PLB1: variants seen among roughly 807,000 people sequenced by gnomAD.
PLB1 encodes the protein phospholipase B1, also known as phospholipase B1, membrane-associated.
In PLB1, 242 loss-of-function variants were observed where a neutral mutation model predicts 227.4. The observed-to-expected ratio is 1.06, with a 90% confidence interval of 0.96 to 1.18. PLB1 has a LOEUF of 1.18. Ranked by LOEUF, PLB1 falls within the 50% of genes most tolerant of loss-of-function variation. PLB1 has a pLI of 0.00. For synonymous variants in PLB1, 757 were observed against 682.2 expected, an observed-to-expected ratio of 1.11 and a Z score of -1.71; for missense variants, 1,858 against 1,816.3, an observed-to-expected ratio of 1.02 and a Z score of -0.42.
chr2:28,538,603 T>C (rs1413155881), intron 10 of PLB1, among the ~76,000 whole-genome samples: 1 of 152,162 alleles, frequency 6.6e-6, no homozygotes, highest in East Asian at 1.9e-4. Context: ...AACTCGGCTC[T>C]TCCTTGAGTC....
At chr2:28,548,975 G>T (rs768456498) in intron 15 of PLB1, 44 bp downstream of exon 15, 2 of 1,590,854 alleles carry the variant, frequency 1.3e-6, no homozygotes, top group African/African-American at 1.3e-5. Context: ...TGAATCGAGG[G>T]CGCAGGTGGG....
At position 28,529,395 on chromosome 2, in the gene PLB1, A is replaced by G; in HGVS notation, c.404A>G (p.His135Arg). 1 of 1,601,980 alleles carries G rather than the reference A, an allele frequency of 6.2e-7. No individual in the cohort carries two copies. Among genetic ancestry groups the G allele is most frequent in the Non-Finnish European group, 8.6e-7 (1 of 1,169,032 alleles). Residue 135 changes from histidine (H) to arginine (R), a missense_variant, in exon 7 of 58, where the codon CAC (histidine) becomes CGC (arginine). Coordinates refer to ENST00000327757, the MANE Select transcript of PLB1 (RefSeq NM_153021.5). ...VCHTGKRVIP[H>R]DGAEDLWIQA... Reference sequence around the variant, plus strand: ...CACACTGGAAAGAGAGTCATACCCCACGATGGTGCTGAGTAAGTTCCCTTT... The same window carrying G: ...CACACTGGAAAGAGAGTCATACCCCGCGATGGTGCTGAGTAAGTTCCCTTT...
At chr2:28,591,064 TA>T in intron 29 of PLB1, 68 bp from the exon 30 acceptor site, 1 of 1,595,196 alleles carries the variant, frequency 6.3e-7, no homozygotes, top group Non-Finnish European at 8.6e-7. Flanking sequence ...GGCCGACACT[TA>T]ACTGAGTGCT....
In PLB1 at chr2:28,618,338, T is replaced by A; in HGVS notation, c.3257-3T>A. The A allele has an allele frequency of 1.2e-6, 2 of 1,614,086 alleles. No individual in the cohort carries two copies. The highest frequency in any genetic ancestry group is 2.2e-5 in the South Asian group (2 of 91,084). ...CAACCACCTCTCTGCTTGTCTCCCC[T>A]AGTCCACCAGCTCCGACCAGCAGAC... On this transcript the variant is annotated splice_polypyrimidine_tract_variant and splice_region_variant and intron_variant, in intron 45 of 57. Transcript: ENST00000327757.
At chr2:28,604,857 GAC>G (rs1243134124) in intron 41 of PLB1, 98 bp downstream of exon 41, 106 of 1,109,180 alleles carry the variant, frequency 9.6e-5, no homozygotes, top group Non-Finnish European at 1.3e-4. Flanking sequence ...AAATGGGAAA[GAC>G]ACAGCTCTCC....
chr2:28,513,587 A>G (rs891613451), intron 1 of PLB1, among the ~76,000 whole-genome samples: 9 of 152,208 alleles, frequency 5.9e-5, no homozygotes, highest in African/African-American at 2.2e-4. Flanking sequence ...CACTCTCTGT[A>G]CTTATTTTCT....
At chr2:28,506,529 G>T (rs1667654527) in intron 1 of PLB1, among the ~76,000 whole-genome samples, 1 of 152,154 alleles carries the variant, frequency 6.6e-6, no homozygotes, top group Admixed American at 6.5e-5. Flanking sequence ...TTTTCAGAGT[G>T]CCTTTTAGCT....
intron 56 of PLB1, among the ~76,000 whole-genome samples, chr2:28,636,144 C>T (rs1196503592): frequency 1.3e-5 from 2 of 152,116 alleles, no homozygotes; most frequent in African/African-American, 2.4e-5. Flanking sequence ...CTGCAACCTC[C>T]GTCTCCTGGA....
intron 18 of PLB1, 92 bp downstream of exon 18, chr2:28,563,191 G>C (rs1046227296): frequency 7.6e-7 from 1 of 1,308,298 alleles, no homozygotes; most frequent in African/African-American, 1.5e-5. Flanking sequence ...AAGGTCTCAC[G>C]CCTGGCTCTT....
intron 1 of PLB1, among the ~76,000 whole-genome samples, chr2:28,513,468 T>C (rs942687201): frequency 6.6e-6 from 1 of 152,220 alleles, no homozygotes; most frequent in African/African-American, 2.4e-5. Flanking sequence ...CCCAGTTCCA[T>C]TGAACTGCCT....
At chr2:28,556,342 G>A (rs1253756001) in intron 17 of PLB1, among the ~76,000 whole-genome samples, 6 of 152,158 alleles carry the variant, frequency 3.9e-5, no homozygotes, top group African/African-American at 7.2e-5. Flanking sequence ...TTCAGAGCTC[G>A]TGAGTGATGT....
At chr2:28,516,756 G>T in intron 1 of PLB1, 52 bp from the exon 2 acceptor site, 3 of 1,525,418 alleles carry the variant, frequency 2.0e-6, no homozygotes, top group Non-Finnish European at 2.7e-6. Context: ...TACAAATTTG[G>T]GTGGGAGTTA....
At chr2:28,497,474 G>C (rs540021933) in intron 1 of PLB1, among the ~76,000 whole-genome samples, 3 of 152,176 alleles carry the variant, frequency 2.0e-5, no homozygotes, top group African/African-American at 7.2e-5. Context: ...TGGTATCAGG[G>C]ACCAGCTGAC....
At chr2:28,578,985 T>C (rs1410716834) in intron 22 of PLB1, among the ~76,000 whole-genome samples, 1 of 152,104 alleles carries the variant, frequency 6.6e-6, no homozygotes, top group Non-Finnish European at 1.5e-5. Context: ...TTATGGAATG[T>C]GTATGGCTGC....
intron 1 of PLB1, among the ~76,000 whole-genome samples, chr2:28,512,887 A>G (rs1300514884): frequency 6.6e-6 from 1 of 152,096 alleles, no homozygotes; most frequent in Non-Finnish European, 1.5e-5. Context: ...TTAGATTTAC[A>G]TGTGGCTCTT....
At chr2:28,612,157 C>T (rs371741066) in intron 43 of PLB1, among the ~76,000 whole-genome samples, 1 of 152,156 alleles carries the variant, frequency 6.6e-6, no homozygotes, top group African/African-American at 2.4e-5. Context: ...AAAAAGCAAG[C>T]AAGAAAGAAA....
intron 23 of PLB1, among the ~76,000 whole-genome samples, chr2:28,581,299 T>G (rs1320259182): frequency 6.6e-6 from 1 of 151,518 alleles, no homozygotes; most frequent in Non-Finnish European, 1.5e-5. Flanking sequence ...ACATGTAGGG[T>G]GTGCTCAGTA....
Position 28,529,326 on chromosome 2 carries a change from ACAT to A in PLB1, c.341_343del (p.Ile114del). The A allele has an allele frequency of 1.9e-6, 3 of 1,608,738 alleles. No homozygotes were observed. The highest frequency in any genetic ancestry group is 2.6e-6 in the Non-Finnish European group (3 of 1,175,170). On this transcript the variant is annotated inframe_deletion, in exon 7 of 58. Coordinates refer to ENST00000327757, the MANE Select transcript of PLB1 (RefSeq NM_153021.5). ...CCAGTTCTCTCTTTAGTCCTTTCAG[ACAT>A]CATCAGATATTTCAGTCCTTCTGTT...
intron 1 of PLB1, among the ~76,000 whole-genome samples, chr2:28,513,105 G>A (rs1000466551): frequency 6.6e-6 from 1 of 152,032 alleles, no homozygotes; most frequent in East Asian, 1.9e-4. Context: ...CTAATCTGTT[G>A]TCTGTTGTGT....
Sources: allele counts gnomAD v4.1 joint callset (sites outside exome capture counted in the v4.1 genomes callset), GRCh38; gene constraint gnomAD v4.1.1; transcripts MANE v1.5; gene names NCBI Gene and HGNC (gene_info 2026-07-23, HGNC 2026-07-21).